MPZL2: variants seen among roughly 807,000 people sequenced by gnomAD.
The protein encoded by MPZL2 is myelin protein zero-like protein 2.
Under a neutral mutation model 24.5 loss-of-function variants are expected in MPZL2, and 32 were observed. The observed-to-expected ratio is 1.31, with a 90% confidence interval of 0.99 to 1.76. MPZL2 has a LOEUF of 1.76. Among genes scored for constraint, MPZL2 ranks in the 40% most tolerant of loss-of-function variants. The pLI is 0.00. For synonymous variants in MPZL2, 92 were observed against 97.9 expected (o/e 0.94, Z 0.36); for missense variants, 304 against 274.9 (o/e 1.11, Z -0.75).
At chr11:118,263,120 G>A (rs1203100969) in intron 1 of MPZL2, 23 bp from the exon 2 acceptor site, 1 of 1,609,666 alleles carries the variant, frequency 6.2e-7, no homozygotes, top group Non-Finnish European at 8.5e-7. Flanking sequence ...AGAAGAAAAA[G>A]AAGGGTTAAC....
rs1286405158 is a variant in MPZL2, at chr11:118,254,159, G to A, written c.*1087C>T. ...TAAAGTTGGTTTTATTCCATTTAAA[G>A]TAGTTTTGGTATTTCTTTGCTCCAT... On this transcript the variant is annotated 3_prime_UTR_variant, in exon 6 of 6. Transcript: ENST00000278937. 6.6e-6 allele frequency: 1 copy of A among 152,062 alleles called. No homozygotes were observed. Among genetic ancestry groups the A allele is most frequent in the African/African-American group, 2.4e-5 (1 of 41,418 alleles). The allele number at this position is 152,062 out of a possible 1,614,324, so 9.4% of individuals were successfully genotyped here. A position where few individuals can be genotyped will look rare whatever the true frequency, so the allele number is the denominator to read the frequency against.
Position 118,262,982 on chromosome 11 carries a change from A to G in MPZL2, c.174T>C (p.Ala58=). 1 of 1,614,238 alleles carries G rather than the reference A, an allele frequency of 6.2e-7. No individual in the cohort carries two copies. The highest frequency in any genetic ancestry group is 8.5e-7 in the Non-Finnish European group (1 of 1,180,036). Reference sequence around the variant, plus strand: ...GACGAAAATTCCAGGTCACTGTTAGAGCATCACCCACAGGGGCAAAGCTGG... The same window carrying G: ...GACGAAAATTCCAGGTCACTGTTAGGGCATCACCCACAGGGGCAAAGCTGG... ...TFSSFAPVGD[A]LTVTWNFRPL... is the part of the protein sequence containing the mutation. Residue 58 remains alanine (A), a synonymous_variant, in exon 2 of 6, where the codon GCT becomes GCC. Transcript: ENST00000278937.
chr11:118,262,787 C>G, intron 2 of MPZL2, 139 bp from the exon 3 acceptor site: 1 of 1,344,676 alleles, frequency 7.4e-7, no homozygotes, highest in Non-Finnish European at 1.0e-6. Context: ...CTTCAACGGC[C>G]TCTCAGTCTC....
At chr11:118,259,413 G>T (rs1176612373) in intron 4 of MPZL2, 1 of 152,194 alleles carries the variant, frequency 6.6e-6, no homozygotes, top group Non-Finnish European at 1.5e-5. Context: ...GGGCATAAAA[G>T]ACCACATATT....
Position 118,256,594 on chromosome 11 carries a change from G to A in MPZL2, c.*12+644C>T, listed in dbSNP as rs1949661762. On this transcript the variant is annotated intron_variant, in intron 5 of 5. Coordinates refer to ENST00000278937, the MANE Select transcript of MPZL2 (RefSeq NM_005797.4). ...GAGCTTGGGAGGGAGAAGTTGCAGT[G>A]ACCCGAGATCGCACCACTACACCCT... Among the ~76,000 whole-genome samples, 4 of 152,120 alleles carry A rather than the reference G, an allele frequency of 2.6e-5. No individual in the cohort carries two copies. In the South Asian group the frequency reaches 8.3e-4, roughly 32 times the overall value.
rs17121997 is a variant in MPZL2, at chr11:118,260,334, T to C, written c.437-133A>G. 0.5 allele frequency: 433,454 copies of C among 866,406 alleles called. 114,498 individuals carry two copies. The highest frequency in any genetic ancestry group is 0.72 in the South Asian group (39,043 of 54,412). The allele number at this position is 866,406 out of a possible 1,614,324, so 53.7% of individuals were successfully genotyped here. On this transcript the variant is annotated intron_variant, in intron 3 of 5. Coordinates refer to ENST00000278937, the MANE Select transcript of MPZL2 (RefSeq NM_005797.4). ...TCCTACCTTTATGCATAAAATAATA[T>C]ATTACCTTGTGAATCCTACTAGCAA...
At chr11:118,255,482 C>T (rs1178312068) in intron 5 of MPZL2, among the ~76,000 whole-genome samples, 1 of 152,152 alleles carries the variant, frequency 6.6e-6, no homozygotes, top group African/African-American at 2.4e-5. Context: ...ACAACTTGTT[C>T]ACACACATAC....
intron 4 of MPZL2, among the ~76,000 whole-genome samples, chr11:118,259,011 T>TA (rs142437720): frequency 0.078 from 9,701 of 124,068 alleles, 664 homozygotes; most frequent in African/African-American, 0.26. Flanking sequence ...ACGGTTATGA[T>TA]TAAAAAAAAA....
At chr11:118,259,012 T>TAAAAA (rs56186946) in intron 4 of MPZL2, among the ~76,000 whole-genome samples, 2 of 131,264 alleles carry the variant, frequency 1.5e-5, no homozygotes, top group Admixed American at 1.4e-4. Flanking sequence ...CGGTTATGAT[T>TAAAAA]AAAAAAAAAA....
At chr11:118,258,842 C>T (rs1176856237) in intron 4 of MPZL2, among the ~76,000 whole-genome samples, 1 of 152,094 alleles carries the variant, frequency 6.6e-6, no homozygotes, top group Non-Finnish European at 1.5e-5. Context: ...CCCATTGTGC[C>T]TTCTGCCATC....
chr11:118,262,458 C>A lies in MPZL2; in HGVS notation c.416G>T (p.Arg139Leu). ...CCTACCAGTGTGCACGACGCTGAGC[C>A]GGATCTCCCCTATCACCCCATCAAC... ...PDVDGVIGEI[R>L]LSVVHTVRFS... Residue 139 changes from arginine (R) to leucine (L), a missense_variant, in exon 3 of 6, where the codon CGG becomes CTG. Coordinates refer to ENST00000278937, the MANE Select transcript of MPZL2 (RefSeq NM_005797.4). The A allele has an allele frequency of 1.2e-6, 2 of 1,614,018 alleles. No homozygotes were observed. The highest frequency in any genetic ancestry group is 1.7e-6 in the Non-Finnish European group (2 of 1,180,024).
At chr11:118,257,991 C>T (rs1040861794) in intron 4 of MPZL2, among the ~76,000 whole-genome samples, 1 of 151,234 alleles carries the variant, frequency 6.6e-6, no homozygotes, top group Non-Finnish European at 1.5e-5. Context: ...GCCTGGGCAA[C>T]CAGAGTGAAA....
intron 3 of MPZL2, among the ~76,000 whole-genome samples, chr11:118,261,647 T>G (rs1437731748): frequency 6.6e-6 from 1 of 152,208 alleles, no homozygotes; most frequent in Non-Finnish European, 1.5e-5. Flanking sequence ...TGATAGCTGG[T>G]AAATGGTAGC....
In MPZL2 at chr11:118,262,992, A is replaced by T. The variant is rs750790201; in HGVS notation, c.164T>A (p.Val55Glu). The change falls in exon 2 of 6, where the codon GTG becomes GAG. Residue 55 changes from valine (V) to glutamate (E), a missense_variant. By Grantham distance (121) the Val-to-Glu change is moderately radical. Transcript: ENST00000278937. ...CCAGGTCACTGTTAGAGCATCACCC[A>T]CAGGGGCAAAGCTGGAGAAAGTGCA... ...LKCTFSSFAP[V>E]GDALTVTWNF... 8.7e-6 allele frequency: 14 copies of T among 1,614,084 alleles called. No individual in the cohort carries two copies. The Admixed American group carries it at 1.7e-4, about 19-fold the overall frequency.
chr11:118,264,060 A>C, intron 1 of MPZL2, 36 bp downstream of exon 1: 1 of 1,599,636 alleles, frequency 6.3e-7, no homozygotes, highest in Middle Eastern at 1.7e-4. Flanking sequence ...TGAGCAGTGA[A>C]GGAGGAAACT....
intron 4 of MPZL2, among the ~76,000 whole-genome samples, chr11:118,258,755 C>A (rs1269808501): frequency 6.6e-6 from 1 of 152,074 alleles, no homozygotes; most frequent in Non-Finnish European, 1.5e-5. Context: ...CTCACAAAAT[C>A]TGGTCATATA....
chr11:118,260,138 A>C lies in MPZL2; in HGVS notation c.500T>G (p.Ile167Arg). ...AIGSACALMI[I>R]IVIVVVLFQH... ...GAAGAGGACCACTACAATTACTATT[A>C]TGATCATCAGTGCACAGGCAGAGCC... is the stretch of plus-strand genomic sequence containing the variant. Residue 167 changes from isoleucine to arginine, a missense_variant, in exon 4 of 6, where the codon ATA (isoleucine) becomes AGA (arginine). Physicochemically the swap from Ile to Arg is moderately conservative, Grantham distance 97. Coordinates refer to ENST00000278937, the MANE Select transcript of MPZL2 (RefSeq NM_005797.4). 6.2e-7 allele frequency: 1 copy of C among 1,614,164 alleles called. No homozygotes were observed. Among genetic ancestry groups the C allele is most frequent in the South Asian group, 1.1e-5 (1 of 91,088 alleles).
In MPZL2 at chr11:118,260,151, C is replaced by T. The variant is rs1949690503; in HGVS notation, c.487G>A (p.Ala163Thr). 6.2e-7 allele frequency: 1 copy of T among 1,614,094 alleles called. No individual in the cohort carries two copies. The highest frequency in any genetic ancestry group is 8.5e-7 in the Non-Finnish European group (1 of 1,179,976). Residue 163 changes from alanine to threonine, a missense_variant, in exon 4 of 6, where the codon GCA becomes ACA. Ala to Thr is a moderately conservative substitution (Grantham distance 58, BLOSUM62 0). Transcript: ENST00000278937. Reference protein sequence around the residue: ...FLALAIGSACALMIIIVIVVV... With the variant: ...FLALAIGSACTLMIIIVIVVV... ...ACAATTACTATTATGATCATCAGTG[C>T]ACAGGCAGAGCCAATGGCCAGAGCC...
chr11:118,260,344 T>A, intron 3 of MPZL2, 143 bp from the exon 4 acceptor site: 1 of 827,998 alleles, frequency 1.2e-6, no homozygotes, highest in Non-Finnish European at 1.8e-6. Context: ...TATTACCTTG[T>A]GAATCCTACT....
Sources: allele counts gnomAD v4.1 joint callset (sites outside exome capture counted in the v4.1 genomes callset), GRCh38; gene constraint gnomAD v4.1.1; transcripts MANE v1.5; gene names NCBI Gene and HGNC (gene_info 2026-07-23, HGNC 2026-07-21).